HECTD2: variants seen among roughly 807,000 people sequenced by gnomAD.
The protein encoded by HECTD2 is probable E3 ubiquitin-protein ligase HECTD2.
Under a neutral mutation model 103.2 loss-of-function variants are expected in HECTD2, and 35 were observed. The observed-to-expected ratio is 0.34, with a 90% CI of 0.26 to 0.45. The LOEUF is 0.45. HECTD2 is among the 20% of genes least tolerant of loss of function. The pLI is 1.00. For synonymous variants in HECTD2, 281 were observed against 329.9 expected, an observed-to-expected ratio of 0.85 and a Z score of 1.61; for missense variants, 596 against 937.4, an observed-to-expected ratio of 0.64 and a Z score of 4.76.
At chr10:91,457,397 A>G (rs563663641) in intron 2 of HECTD2, among the ~76,000 whole-genome samples, 1 of 152,220 alleles carries the variant, frequency 6.6e-6, no homozygotes, top group South Asian at 2.1e-4. Context: ...CCTCATGAAT[A>G]TAGAGGCAGA....
intron 20 of HECTD2, among the ~76,000 whole-genome samples, chr10:91,507,169 T>C (rs1193363764): frequency 4.0e-5 from 6 of 151,040 alleles, no homozygotes; most frequent in East Asian, 3.9e-4. Context: ...GCCAATATCA[T>C]ACTGAATGGG....
chr10:91,434,213 A>C (rs1844018038), intron 2 of HECTD2, among the ~76,000 whole-genome samples: 1 of 151,752 alleles, frequency 6.6e-6, no homozygotes, highest in South Asian at 2.1e-4. Flanking sequence ...CCAAATGTTC[A>C]GAAAAGTCAT....
chr10:91,438,636 C>T (rs1589481526), intron 2 of HECTD2, among the ~76,000 whole-genome samples: 1 of 152,224 alleles, frequency 6.6e-6, no homozygotes, highest in Admixed American at 6.5e-5. Context: ...GGTTGTAGAT[C>T]CTTGAGGAAT....
chr10:91,492,232 T>G, intron 12 of HECTD2, 120 bp from the exon 13 acceptor site: 2 of 868,932 alleles, frequency 2.3e-6, no homozygotes, highest in Non-Finnish European at 3.7e-6. Context: ...AATGGAGGGA[T>G]GGAGTTTTGT....
chr10:91,500,383 ATGGTTTGATTTACT>A, intron 18 of HECTD2, 105 bp from the exon 19 acceptor site: 4 of 480,818 alleles, frequency 8.3e-6, no homozygotes, highest in East Asian at 3.5e-5. Context: ...TTCAACAAAA[ATGGTTTGATTTACT>A]ATGAGAAATC....
At chr10:91,457,076 G>C (rs1845132744) in intron 2 of HECTD2, among the ~76,000 whole-genome samples, 1 of 151,990 alleles carries the variant, frequency 6.6e-6, no homozygotes, top group Non-Finnish European at 1.5e-5. Flanking sequence ...CAGATGAAGT[G>C]GACCAATTCC....
rs146873555 is a variant in HECTD2, at chr10:91,424,734, C to T, written c.139-547C>T. 3.2e-4 allele frequency among the ~76,000 whole-genome samples: 49 copies of T among 152,056 alleles called. 1 individual carries two copies. The East Asian group carries it at 7.3e-3, about 23-fold the overall frequency. On this transcript the variant is annotated intron_variant, in intron 1 of 20. Transcript: ENST00000298068. The stretch of plus-strand genomic sequence containing the variant: ...GCCTAAGGATCCCAAGTGCTTAGCA[C>T]TACTTCTAAAAAAAAATTCTGGTAT...
At chr10:91,441,868 C>T (rs1453190119) in intron 2 of HECTD2, among the ~76,000 whole-genome samples, 2 of 123,998 alleles carry the variant, frequency 1.6e-5, no homozygotes, top group Admixed American at 8.1e-5. Context: ...TCATCAGAGA[C>T]TAGGATTGCA....
chr10:91,460,326 A>G lies in HECTD2; in HGVS notation c.269-101A>G, dbSNP rs759123338. 2.8e-6 allele frequency: 3 copies of G among 1,062,228 alleles called. No homozygotes were observed. The African/African-American group carries it at 4.9e-5, about 17-fold the overall frequency. The allele number at this position is 1,062,228 out of a possible 1,614,324, so 65.8% of individuals were successfully genotyped here. ...AATCTCAAAGTGAATGTAATACAAA[A>G]TAATTCATTTGTTTTCTGTTCATGT... On this transcript the variant is annotated intron_variant, in intron 2 of 20. Coordinates refer to ENST00000298068, the MANE Select transcript of HECTD2 (RefSeq NM_182765.6).
At chr10:91,476,562 A>G (rs1362636293) in intron 5 of HECTD2, among the ~76,000 whole-genome samples, 1 of 152,212 alleles carries the variant, frequency 6.6e-6, no homozygotes, top group Non-Finnish European at 1.5e-5. Context: ...AACAGAGGCC[A>G]GAGCCCAGGC....
Position 91,500,673 on chromosome 10 carries a change from G to A in HECTD2, c.2066+56G>A, listed in dbSNP as rs145417431. 2.7e-4 allele frequency: 224 copies of A among 837,542 alleles called. 2 individuals carry two copies. The East Asian group carries it at 4.8e-3, about 18-fold the overall frequency. 51.9% of individuals were successfully genotyped at this position (837,542 alleles called of 1,614,324 possible). A position where few individuals can be genotyped will look rare whatever the true frequency, so the allele number is the denominator to read the frequency against. On this transcript the variant is annotated intron_variant, in intron 19 of 20. Coordinates refer to ENST00000298068, the MANE Select transcript of HECTD2 (RefSeq NM_182765.6). Reference sequence around the variant, plus strand: ...ATGTGGAGAGGGAACAGCAGACAGTGTGGTTCATTTATTTGCATAACTTAC... The same window carrying A: ...ATGTGGAGAGGGAACAGCAGACAGTATGGTTCATTTATTTGCATAACTTAC...
At chr10:91,440,164 A>C (rs1258572603) in intron 2 of HECTD2, among the ~76,000 whole-genome samples, 1 of 150,576 alleles carries the variant, frequency 6.6e-6, no homozygotes, top group Non-Finnish European at 1.5e-5. Flanking sequence ...GTCAGTTTTA[A>C]AAGGGAATGC....
intron 11 of HECTD2, among the ~76,000 whole-genome samples, 177 bp from the exon 12 acceptor site, chr10:91,491,023 A>G (rs992841343): frequency 1.3e-5 from 2 of 152,036 alleles, no homozygotes; most frequent in African/African-American, 4.8e-5. Flanking sequence ...TTGTTACAAA[A>G]TGAAATAATA....
At position 91,512,504 on chromosome 10, in the gene HECTD2, T is replaced by A; in HGVS notation, c.*120T>A. 1 of 936,868 alleles carries A rather than the reference T, an allele frequency of 1.1e-6. No homozygotes were observed. Among genetic ancestry groups the A allele is most frequent in the Non-Finnish European group, 1.6e-6 (1 of 637,356 alleles). The allele number at this position is 936,868 out of a possible 1,614,324, so 58.0% of individuals were successfully genotyped here. A position where few individuals can be genotyped will look rare whatever the true frequency, so the allele number is the denominator to read the frequency against. ...GACAAAGCTCACCAACTTTAAAATA[T>A]TAAGTTTTTAAAAAATCAAATATGA... is the stretch of plus-strand genomic sequence containing the variant. On this transcript the variant is annotated 3_prime_UTR_variant, in exon 21 of 21. Coordinates refer to ENST00000298068, the MANE Select transcript of HECTD2 (RefSeq NM_182765.6).
intron 1 of HECTD2, among the ~76,000 whole-genome samples, chr10:91,414,760 G>A (rs1039473298): frequency 6.6e-6 from 1 of 152,196 alleles, no homozygotes; most frequent in Non-Finnish European, 1.5e-5. Flanking sequence ...CATGAGCAAG[G>A]CTTAAAAGGA....
At chr10:91,459,330 C>A (rs757393670) in intron 2 of HECTD2, among the ~76,000 whole-genome samples, 1 of 151,882 alleles carries the variant, frequency 6.6e-6, no homozygotes, top group Non-Finnish European at 1.5e-5. Context: ...ATGCAACTGC[C>A]GTATATTTAC....
chr10:91,460,174 G>A (rs1450159938), intron 2 of HECTD2, among the ~76,000 whole-genome samples: 2 of 151,954 alleles, frequency 1.3e-5, no homozygotes, highest in East Asian at 3.8e-4. Flanking sequence ...GAGGGGGAAG[G>A]GAAAAAGGGA....
At chr10:91,493,001 A>G (rs377342538) in intron 13 of HECTD2, among the ~76,000 whole-genome samples, 1 of 151,758 alleles carries the variant, frequency 6.6e-6, no homozygotes, top group Non-Finnish European at 1.5e-5. Context: ...TGTTTTCCTT[A>G]TTCTTTAGTT....
intron 20 of HECTD2, among the ~76,000 whole-genome samples, chr10:91,504,156 A>G (rs1847039655): frequency 6.6e-6 from 1 of 152,164 alleles, no homozygotes; most frequent in African/African-American, 2.4e-5. Context: ...CCAAAAGTAG[A>G]TAAAACCACA....
Sources: gnomAD v4.1 joint callset for allele counts (sites outside exome capture counted in the v4.1 genomes callset) on GRCh38, gnomAD v4.1.1 for gene constraint, MANE v1.5 for transcripts, NCBI Gene and HGNC (gene_info 2026-07-23, HGNC 2026-07-21) for gene names.